CRPPA: variants seen among roughly 807,000 people sequenced by gnomAD.
CRPPA encodes CDP-L-ribitol pyrophosphorylase A.
Under a neutral mutation model 52.0 loss-of-function variants are expected in CRPPA, and 43 were observed. The ratio of observed to expected loss-of-function variants is 0.83; its 90% confidence interval spans 0.65 to 1.07. CRPPA has a LOEUF of 1.07. CRPPA is among the 50% of genes least tolerant of loss of function. The pLI is 0.00. For synonymous variants in CRPPA, 250 were observed against 203.5 expected (o/e 1.23, Z -1.94); for missense variants, 629 against 551.7 (o/e 1.14, Z -1.40).
At chr7:16,388,899 C>A (rs921968087) in intron 2 of CRPPA, among the ~76,000 whole-genome samples, 1 of 151,866 alleles carries the variant, frequency 6.6e-6, no homozygotes, top group South Asian at 2.1e-4. Flanking sequence ...CAGTTCACAA[C>A]CTTTGACGAA....
intron 2 of CRPPA, among the ~76,000 whole-genome samples, chr7:16,378,651 G>A (rs1786979410): frequency 6.6e-6 from 1 of 151,472 alleles, no homozygotes; most frequent in Admixed American, 6.6e-5. Context: ...GGGTCAAATG[G>A]TATTTCTAGT....
At chr7:16,115,746 A>G (rs1028877803) in intron 9 of CRPPA, among the ~76,000 whole-genome samples, 5 of 152,240 alleles carry the variant, frequency 3.3e-5, no homozygotes, top group African/African-American at 7.2e-5. Context: ...GAAGGACAAC[A>G]TAAGGCAACA....
intron 9 of CRPPA, among the ~76,000 whole-genome samples, chr7:16,114,885 G>C (rs894075478): frequency 2.6e-5 from 4 of 151,930 alleles, no homozygotes; most frequent in African/African-American, 9.7e-5. Context: ...ATTAATAAGA[G>C]AGAACTTAAT....
Position 16,261,595 on chromosome 7 carries a change from AT to A in CRPPA, c.934-2584del, listed in dbSNP as rs11448646. ...GCAAGTAGTTGGTTGTTTTGGAGCAATTTTTTTTTTTAAGAAAAGCCGTAAC... is the reference window on the plus strand; with the variant it reads ...GCAAGTAGTTGGTTGTTTTGGAGCAATTTTTTTTTTAAGAAAAGCCGTAAC... On this transcript the variant is annotated intron_variant, in intron 6 of 9. Transcript: ENST00000407010. 6.9e-4 allele frequency among the ~76,000 whole-genome samples: 103 copies of A among 149,162 alleles called. 2 individuals carry two copies. In the South Asian group the frequency reaches 0.014, roughly 21 times the overall value.
chr7:16,357,116 C>T (rs887791395), intron 3 of CRPPA, among the ~76,000 whole-genome samples: 7 of 152,100 alleles, frequency 4.6e-5, no homozygotes, highest in Non-Finnish European at 1.0e-4. Flanking sequence ...CTCAGGATAT[C>T]GCCCCCTGTG....
At chr7:16,352,344 G>C (rs1786177636) in intron 3 of CRPPA, among the ~76,000 whole-genome samples, 1 of 151,622 alleles carries the variant, frequency 6.6e-6, no homozygotes, top group Non-Finnish European at 1.5e-5. Flanking sequence ...AAACCACCAT[G>C]GCATATGTAT....
At chr7:16,287,504 G>T (rs190600000) in intron 5 of CRPPA, among the ~76,000 whole-genome samples, 12 of 152,242 alleles carry the variant, frequency 7.9e-5, no homozygotes, top group African/African-American at 2.4e-4. Context: ...CCCAAAATTA[G>T]CATGTTGGAA....
chr7:16,397,532 ACAACATG>A (rs1787633527), intron 2 of CRPPA, among the ~76,000 whole-genome samples: 1 of 148,754 alleles, frequency 6.7e-6, no homozygotes, highest in African/African-American at 2.6e-5. Context: ...CATGATCAAC[ACAACATG>A]TGATTGACGA....
At chr7:16,227,556 C>A (rs1483637146) in intron 8 of CRPPA, among the ~76,000 whole-genome samples, 1 of 151,760 alleles carries the variant, frequency 6.6e-6, no homozygotes, top group Non-Finnish European at 1.5e-5. Context: ...AGGTCTTCTA[C>A]TGTTTTGTTA....
chr7:16,149,187 T>C (rs184777641), intron 9 of CRPPA, among the ~76,000 whole-genome samples: 111 of 152,254 alleles, frequency 7.3e-4, no homozygotes, highest in Non-Finnish European at 1.3e-3. Context: ...TATTAGTGCT[T>C]TGGAAGGAAC....
chr7:16,091,088 A>C lies in CRPPA; in HGVS notation c.*607T>G, dbSNP rs1372627872. 6.6e-6 allele frequency: 1 copy of C among 152,262 alleles called. No individual in the cohort carries two copies. The highest frequency in any genetic ancestry group is 2.4e-5 in the African/African-American group (1 of 41,458). 9.4% of individuals were successfully genotyped at this position (152,262 alleles called of 1,614,324 possible). ...TAAACCAAAAATAACATACAATTTAAAAACAGAAAAGAAGGAAATGACATC... is the reference window on the plus strand; with the variant it reads ...TAAACCAAAAATAACATACAATTTACAAACAGAAAAGAAGGAAATGACATC... On this transcript the variant is annotated 3_prime_UTR_variant, in exon 10 of 10. Transcript: ENST00000407010.
chr7:16,289,584 T>A (rs1161911930), intron 5 of CRPPA, among the ~76,000 whole-genome samples: 1 of 152,170 alleles, frequency 6.6e-6, no homozygotes, highest in Non-Finnish European at 1.5e-5. Flanking sequence ...AAAAACCATA[T>A]GATCCTCTTA....
At chr7:16,398,704 A>C (rs1787692598) in intron 2 of CRPPA, among the ~76,000 whole-genome samples, 3 of 152,100 alleles carry the variant, frequency 2.0e-5, no homozygotes, top group Non-Finnish European at 2.9e-5. Flanking sequence ...TTGGCATCTA[A>C]TCAACACGTG....
intron 4 of CRPPA, among the ~76,000 whole-genome samples, chr7:16,305,443 C>A (rs1220178154): frequency 1.3e-5 from 2 of 152,218 alleles, no homozygotes; most frequent in Non-Finnish European, 2.9e-5. Flanking sequence ...AAGAGTAGAG[C>A]TCTCTACTTC....
chr7:16,189,435 T>C (rs567572334), intron 9 of CRPPA, among the ~76,000 whole-genome samples: 3 of 152,142 alleles, frequency 2.0e-5, no homozygotes, highest in Non-Finnish European at 4.4e-5. Flanking sequence ...TGGAAAGTGA[T>C]GGCTGCATAT....
intron 6 of CRPPA, among the ~76,000 whole-genome samples, chr7:16,266,675 C>T (rs1044548130): frequency 1.3e-5 from 2 of 152,140 alleles, no homozygotes; most frequent in Middle Eastern, 3.4e-3. Flanking sequence ...ATGGGACTTT[C>T]ACCATATTGG....
chr7:16,286,019 TC>T (rs544022500), intron 5 of CRPPA, among the ~76,000 whole-genome samples: 989 of 15,036 alleles, frequency 0.066, 60 homozygotes, highest in East Asian at 0.26. Flanking sequence ...AAACTCCATC[TC>T]AAAAAAAAAA....
At chr7:16,159,729 T>C (rs1467919000) in intron 9 of CRPPA, among the ~76,000 whole-genome samples, 1 of 152,178 alleles carries the variant, frequency 6.6e-6, no homozygotes, top group East Asian at 1.9e-4. Flanking sequence ...TACACAGTAA[T>C]GGGATTGCTG....
At chr7:16,366,982 T>C (rs1786611197) in intron 3 of CRPPA, among the ~76,000 whole-genome samples, 1 of 152,184 alleles carries the variant, frequency 6.6e-6, no homozygotes, top group African/African-American at 2.4e-5. Context: ...GCAACTGACT[T>C]GTGTAAGAAA....
Sources: gnomAD v4.1 joint callset for allele counts (sites outside exome capture counted in the v4.1 genomes callset) on GRCh38, gnomAD v4.1.1 for gene constraint, MANE v1.5 for transcripts, NCBI Gene and HGNC (gene_info 2026-07-23, HGNC 2026-07-21) for gene names.